Variants in NIPSNAP2 observed in about 807,000 individuals in gnomAD.
NIPSNAP2 encodes the protein nipsnap homolog 2, also known as protein NipSnap homolog 2.
NIPSNAP2 carries 42 observed loss-of-function variants against 48.4 expected under a neutral mutation model. The observed-to-expected ratio is 0.87, with a 90% CI of 0.68 to 1.12. The LOEUF (loss-of-function observed/expected upper bound fraction) is 1.12, where lower values mean the gene tolerates loss of function less well. Among genes scored for constraint, NIPSNAP2 ranks in the 50% most tolerant of loss-of-function variants. The pLI, the probability that NIPSNAP2 is intolerant of heterozygous loss-of-function variation, is 0.00. For synonymous variants in NIPSNAP2, 158 were observed against 126.6 expected (o/e 1.25, Z -1.67); for missense variants, 314 against 347.3 (o/e 0.90, Z 0.76).
At chr7:55,970,258 T>C (rs35160834) in intron 1 of NIPSNAP2, among the ~76,000 whole-genome samples, 19,160 of 151,862 alleles carry the variant, frequency 0.13, 2,080 homozygotes, top group African/African-American at 0.29. Flanking sequence ...TCCTGGCCTT[T>C]GTTGCTGCAG....
At chr7:55,978,856 CCCAA>C in intron 3 of NIPSNAP2, 1 of 154,794 alleles carries the variant, frequency 6.5e-6, no homozygotes, top group Non-Finnish European at 1.4e-5. Context: ...GCCATTTCTT[CCCAA>C]CTCCTCTGTT....
At chr7:55,976,906 GA>G (rs71015144) in intron 1 of NIPSNAP2, among the ~76,000 whole-genome samples, 1 of 151,702 alleles carries the variant, frequency 6.6e-6, no homozygotes, top group African/African-American at 2.4e-5. Context: ...AAAAAAGAAA[GA>G]AAAAATCCAT....
intron 3 of NIPSNAP2, 147 bp from the exon 4 acceptor site, chr7:55,981,326 A>G (rs2304376): frequency 0.2 from 121,123 of 591,866 alleles, 13,732 homozygotes; most frequent in Middle Eastern, 0.26. Context: ...TAAAAGGTTA[A>G]CTCCACATGC....
At position 55,964,668 on chromosome 7, in the gene NIPSNAP2, G is replaced by T. The variant is rs1049977497; in HGVS notation, c.59G>T (p.Arg20Leu). Residue 20 changes from arginine to leucine, a missense_variant, in exon 1 of 10, where the codon CGG becomes CTG. By Grantham distance (102) the Arg-to-Leu change is moderately radical. Transcript: ENST00000322090. ...GCCTGGGCCGGCGGCCTCCTGCAGCGGGCGGCCCCCTGCAGCCTCCTGCCC... is the reference window on the plus strand; with the variant it reads ...GCCTGGGCCGGCGGCCTCCTGCAGCTGGCGGCCCCCTGCAGCCTCCTGCCC... Reference protein sequence around the residue: ...GAAWAGGLLQRAAPCSLLPRL... With the variant: ...GAAWAGGLLQLAAPCSLLPRL... 2.7e-6 allele frequency: 3 copies of T among 1,118,706 alleles called. No individual in the cohort carries two copies. The highest frequency in any genetic ancestry group is 4.3e-5 in the South Asian group (1 of 23,284). 69.3% of individuals were successfully genotyped at this position (1,118,706 alleles called of 1,614,324 possible).
intron 8 of NIPSNAP2, among the ~76,000 whole-genome samples, chr7:55,997,158 GAA>G (rs34739025): frequency 1.4e-4 from 16 of 112,272 alleles, no homozygotes; most frequent in South Asian, 2.9e-4. Flanking sequence ...CCTTGTCTCA[GAA>G]AAAAAAAAAA....
At chr7:55,982,162 A>G (rs1462176641) in intron 4 of NIPSNAP2, 48 bp from the exon 5 acceptor site, 2 of 1,147,912 alleles carry the variant, frequency 1.7e-6, no homozygotes, top group Non-Finnish European at 2.6e-6. Context: ...TTCAAGTAGT[A>G]GTATCATGAA....
intron 7 of NIPSNAP2, chr7:55,991,913 C>G (rs1787458425): frequency 4.7e-6 from 1 of 211,312 alleles, no homozygotes; most frequent in Admixed American, 5.7e-5. Context: ...CCTACCATAA[C>G]TAAATTACAA....
At chr7:55,991,845 C>T (rs764885908) in intron 7 of NIPSNAP2, 1 of 264,354 alleles carries the variant, frequency 3.8e-6, no homozygotes, top group South Asian at 4.4e-5. Flanking sequence ...AGATGGTGAC[C>T]ACCTCGTCTG....
chr7:55,977,398 AT>A (rs910126958), intron 1 of NIPSNAP2, among the ~76,000 whole-genome samples: 30 of 151,864 alleles, frequency 2.0e-4, no homozygotes, highest in African/African-American at 6.0e-4. Flanking sequence ...CTAAAAAAAA[AT>A]TTTTTTTTGA....
chr7:55,994,806 G>T (rs1787523534), intron 7 of NIPSNAP2, 88 bp from the exon 8 acceptor site: 3 of 1,060,806 alleles, frequency 2.8e-6, no homozygotes, highest in Non-Finnish European at 3.0e-6. Context: ...TAAACAGCCT[G>T]CCCTGAGTAT....
intron 1 of NIPSNAP2, among the ~76,000 whole-genome samples, chr7:55,976,468 T>C (rs1787109176): frequency 6.6e-6 from 1 of 152,200 alleles, no homozygotes; most frequent in Non-Finnish European, 1.5e-5. Context: ...CAAGTGTCAT[T>C]ATTGGGCTGA....
rs1190938123 is a variant in NIPSNAP2, at chr7:55,998,193, A to G, written c.796+744A>G. ...GGCAGGAGAATCGCTTGAACCTGGGAGGTGGAGATTGTGCCACTGCACTCC... is the reference window on the plus strand; with the variant it reads ...GGCAGGAGAATCGCTTGAACCTGGGGGGTGGAGATTGTGCCACTGCACTCC... On this transcript the variant is annotated intron_variant, in intron 9 of 9. Coordinates refer to ENST00000322090, the MANE Select transcript of NIPSNAP2 (RefSeq NM_001483.3). 2.6e-5 allele frequency among the ~76,000 whole-genome samples: 4 copies of G among 151,740 alleles called. No homozygotes were observed. In the East Asian group the frequency reaches 5.9e-4, roughly 22 times the overall value.
chr7:55,994,995 G>GT lies in NIPSNAP2; in HGVS notation c.712+12dup. 1 of 1,611,344 alleles carries GT rather than the reference G, an allele frequency of 6.2e-7. No individual in the cohort carries two copies. The highest frequency in any genetic ancestry group is 2.2e-5 in the East Asian group (1 of 44,854). On this transcript the variant is annotated splice_region_variant and intron_variant, in intron 8 of 9. Coordinates refer to ENST00000322090, the MANE Select transcript of NIPSNAP2 (RefSeq NM_001483.3). Reference sequence around the variant, plus strand: ...ATGGTGCACCATCTTTGGGGTATCTGTTTTTCCCTTTTCGAGTTACTGGGA... The same window carrying GT: ...ATGGTGCACCATCTTTGGGGTATCTGTTTTTTCCCTTTTCGAGTTACTGGGA...
intron 1 of NIPSNAP2, among the ~76,000 whole-genome samples, chr7:55,976,325 G>A (rs1787107289): frequency 1.3e-5 from 2 of 152,072 alleles, no homozygotes; most frequent in East Asian, 1.9e-4. Context: ...CCTAATTTAC[G>A]TGACCAGTCT....
At chr7:55,968,934 C>T (rs1366687398) in intron 1 of NIPSNAP2, among the ~76,000 whole-genome samples, 1 of 151,664 alleles carries the variant, frequency 6.6e-6, no homozygotes. Context: ...GTAGTCCCAG[C>T]TATACAGGTG....
At chr7:55,964,801 C>T in intron 1 of NIPSNAP2, 100 bp downstream of exon 1, 1 of 527,940 alleles carries the variant, frequency 1.9e-6, no homozygotes, top group Non-Finnish European at 2.5e-6. Flanking sequence ...GCCCTGTCCC[C>T]AGCGCGGGTG....
Position 55,997,399 on chromosome 7 carries a change from G to A in NIPSNAP2, c.746G>A (p.Arg249Gln). 1 of 1,613,862 alleles carries A rather than the reference G, an allele frequency of 6.2e-7. No homozygotes were observed. Among genetic ancestry groups the A allele is most frequent in the Non-Finnish European group, 8.5e-7 (1 of 1,179,816 alleles). ...GATCTTCAGACCAGGGAAGACATAC[G>A]GAATGCAGCATGGCACAAACATGGC... Reference protein sequence around the residue: ...YRDLQTREDIRNAAWHKHGWE... With the variant: ...YRDLQTREDIQNAAWHKHGWE... The change falls in exon 9 of 10, where the codon CGG becomes CAG. Residue 249 changes from arginine (R) to glutamine (Q), a missense_variant. This residue lies in a region of NIPSNAP2 where 116 missense variants were observed against 161.8 expected (regional missense o/e 0.72). Coordinates refer to ENST00000322090, the MANE Select transcript of NIPSNAP2 (RefSeq NM_001483.3).
rs1021778989 is a variant in NIPSNAP2, at chr7:55,966,605, A to G, written c.92+1904A>G. Among the ~76,000 whole-genome samples, 3 of 152,110 alleles carry G rather than the reference A, an allele frequency of 2.0e-5. No homozygotes were observed. The South Asian group carries it at 6.2e-4, about 32-fold the overall frequency. ...CGAGACCATCCCAGGCAACATGACA[A>G]AACACATCTCTACAAAAAATACAAA... On this transcript the variant is annotated intron_variant, in intron 1 of 9. Coordinates refer to ENST00000322090, the MANE Select transcript of NIPSNAP2 (RefSeq NM_001483.3).
intron 1 of NIPSNAP2, among the ~76,000 whole-genome samples, chr7:55,970,309 A>ATT (rs36009676): frequency 1.0e-4 from 14 of 136,934 alleles, no homozygotes; most frequent in South Asian, 2.4e-4. Context: ...TGACACTTAG[A>ATT]TTTTTTTTTT....
Sources: gnomAD v4.1 joint callset for allele counts (sites outside exome capture counted in the v4.1 genomes callset) on GRCh38, gnomAD v4.1.1 for gene constraint, gnomAD v4.1.1 regional missense constraint, MANE v1.5 for transcripts, NCBI Gene and HGNC (gene_info 2026-07-23, HGNC 2026-07-21) for gene names.